Variants in ZBTB38 observed in about 807,000 individuals in gnomAD.
ZBTB38 encodes zinc finger and BTB domain containing 38, also known as zinc finger and BTB domain-containing protein 38.
In ZBTB38, 20 loss-of-function variants were observed where a neutral mutation model predicts 76.8. The observed-to-expected ratio is 0.26, with a 90% CI of 0.18 to 0.38. ZBTB38 has a LOEUF of 0.38. Ranked by LOEUF, ZBTB38 falls within the 10% of genes least tolerant of loss-of-function variation. The pLI is 1.00. For missense variants in ZBTB38, 1,082 were observed against 1,482.3 expected (o/e 0.73, Z 4.43); for synonymous variants, 504 against 544.2 (o/e 0.93, Z 1.03).
chr3:141,350,183 C>T (rs796080218), intron 1 of ZBTB38, among the ~76,000 whole-genome samples: 2 of 152,300 alleles, frequency 1.3e-5, no homozygotes, highest in South Asian at 2.1e-4. Context: ...ATTACGTTTA[C>T]ACATCGGGGA....
At chr3:141,433,321 G>GT (rs1388752539) in intron 5 of ZBTB38, among the ~76,000 whole-genome samples, 4 of 143,124 alleles carry the variant, frequency 2.8e-5, no homozygotes, top group Non-Finnish European at 6.0e-5. Flanking sequence ...TTTGACTTTT[G>GT]TTTTGTTTTT....
chr3:141,431,594 A>G (rs902649414), intron 5 of ZBTB38: 3 of 152,052 alleles, frequency 2.0e-5, no homozygotes, highest in East Asian at 1.9e-4. Context: ...TTTCCAAACA[A>G]GCAACCTAAA....
chr3:141,409,089 A>G (rs1436674489), intron 5 of ZBTB38, among the ~76,000 whole-genome samples: 1 of 152,136 alleles, frequency 6.6e-6, no homozygotes, highest in Non-Finnish European at 1.5e-5. Context: ...CTTGTTGCCC[A>G]GGCTGGAGTG....
chr3:141,331,233 C>T (rs147090389), intron 1 of ZBTB38, among the ~76,000 whole-genome samples: 1 of 152,276 alleles, frequency 6.6e-6, no homozygotes, highest in Non-Finnish European at 1.5e-5. Context: ...CACAGGTGAA[C>T]GTGTACCTTA....
chr3:141,344,561 G>A (rs1444515986), intron 1 of ZBTB38, among the ~76,000 whole-genome samples: 4 of 152,074 alleles, frequency 2.6e-5, no homozygotes, highest in African/African-American at 7.2e-5. Flanking sequence ...TTTTGTAGAT[G>A]TGGGGTCTCA....
Position 141,443,692 on chromosome 3 carries a change from G to A in ZBTB38, c.1304G>A (p.Gly435Asp). Reference sequence around the variant, plus strand: ...CCTTTATTATCTGAAAATAGGATTGGTGAATTTTCCAGTACCGGAAGTACT... The same window carrying A: ...CCTTTATTATCTGAAAATAGGATTGATGAATTTTCCAGTACCGGAAGTACT... ...PEPLLSENRIGEFSSTGSTLP... is the reference protein window; with the variant it reads ...PEPLLSENRIDEFSSTGSTLP... Residue 435 changes from glycine (G) to aspartate (D), a missense_variant, in exon 6 of 6, where the codon GGT (glycine) becomes GAT (aspartate). By Grantham distance (94) the Gly-to-Asp change is moderately conservative. Around this residue, in one of 8 missense-constraint regions of ZBTB38, gnomAD observed 324 missense variants for 359.1 expected, o/e 0.90. Coordinates refer to ENST00000321464, the MANE Select transcript of ZBTB38 (RefSeq NM_001376113.1). This position sits in a 1 kb window ranked among gnomAD's most constrained non-coding sequence, Gnocchi z 5.6. The A allele has an allele frequency of 6.2e-7, 1 of 1,614,110 alleles. No individual in the cohort carries two copies. Among genetic ancestry groups the A allele is most frequent in the Non-Finnish European group, 8.5e-7 (1 of 1,180,052 alleles).
chr3:141,424,465 A>T (rs992743373), intron 5 of ZBTB38, among the ~76,000 whole-genome samples: 1 of 152,206 alleles, frequency 6.6e-6, no homozygotes, highest in Non-Finnish European at 1.5e-5. Context: ...GGCCACAGTG[A>T]GCAATGATCA....
At chr3:141,434,222 C>T in intron 5 of ZBTB38, 15 of 985,102 alleles carry the variant, frequency 1.5e-5, no homozygotes, top group Non-Finnish European at 1.8e-5. Flanking sequence ...TCAACTGAGA[C>T]AAGAACAAAT....
In ZBTB38 at chr3:141,432,264, C is replaced by T. The variant is rs2077784813; in HGVS notation, c.1-10125C>T. 5.1e-6 allele frequency: 5 copies of T among 985,218 alleles called. No homozygotes were observed. In the African/African-American group the frequency reaches 5.2e-5, roughly 10 times the overall value. 61.0% of individuals were successfully genotyped at this position (985,218 alleles called of 1,614,324 possible). ...TCCAGGTCAGTATCCTAATACAGTGCGTTCTTTTTTTAGTTAGGTTTTATT... is the reference window on the plus strand; with the variant it reads ...TCCAGGTCAGTATCCTAATACAGTGTGTTCTTTTTTTAGTTAGGTTTTATT... On this transcript the variant is annotated intron_variant, in intron 5 of 5. Transcript: ENST00000321464.
chr3:141,439,211 T>C, intron 5 of ZBTB38, among the ~76,000 whole-genome samples: 1 of 152,212 alleles, frequency 6.6e-6, no homozygotes, highest in Non-Finnish European at 1.5e-5. Context: ...CTCCTGTTCA[T>C]ATCTCCAGTA....
intron 2 of ZBTB38, among the ~76,000 whole-genome samples, chr3:141,374,333 G>A (rs1167079188): frequency 6.6e-6 from 1 of 152,126 alleles, no homozygotes; most frequent in Non-Finnish European, 1.5e-5. Flanking sequence ...TTATTCACAG[G>A]GACATTTAAC....
intron 5 of ZBTB38, among the ~76,000 whole-genome samples, chr3:141,432,611 T>A (rs2077868594): frequency 6.6e-6 from 1 of 152,224 alleles, no homozygotes; most frequent in Non-Finnish European, 1.5e-5. Context: ...ATCTGCATAA[T>A]AGGTGCATTA....
At chr3:141,325,515 A>C (rs1942646494) in intron 1 of ZBTB38, among the ~76,000 whole-genome samples, 1 of 152,218 alleles carries the variant, frequency 6.6e-6, no homozygotes. Context: ...TTTCTTCAGC[A>C]ACCCGGGTAG....
At chr3:141,346,782 T>TTTTTTGTG (rs150173767) in intron 1 of ZBTB38, among the ~76,000 whole-genome samples, 3 of 144,682 alleles carry the variant, frequency 2.1e-5, no homozygotes, top group Non-Finnish European at 3.0e-5. Context: ...TTGTTTTGTT[T>TTTTTTGTG]TGTGTGTGTG....
chr3:141,415,030 C>CA (rs2149981048), intron 5 of ZBTB38, among the ~76,000 whole-genome samples: 1 of 152,124 alleles, frequency 6.6e-6, no homozygotes, highest in African/African-American at 2.4e-5. Flanking sequence ...AAAAGGTGCT[C>CA]AGTCAATGTT....
At chr3:141,331,363 G>GGA (rs1212513364) in intron 1 of ZBTB38, among the ~76,000 whole-genome samples, 3 of 152,198 alleles carry the variant, frequency 2.0e-5, no homozygotes, top group African/African-American at 7.2e-5. Context: ...TGATTATGTA[G>GGA]GAGAGAGAGA....
At chr3:141,412,113 T>C (rs576500598) in intron 5 of ZBTB38, among the ~76,000 whole-genome samples, 2 of 152,354 alleles carry the variant, frequency 1.3e-5, no homozygotes, top group African/African-American at 4.8e-5. Context: ...GACCTATATT[T>C]TTTTTCTCCC....
At chr3:141,368,995 C>CAAAA (rs887674425) in intron 1 of ZBTB38, among the ~76,000 whole-genome samples, 191 bp downstream of exon 1, 21 of 84,540 alleles carry the variant, frequency 2.5e-4, no homozygotes, top group African/African-American at 8.9e-4. Flanking sequence ...GAAAAGAATG[C>CAAAA]AAAAAAAAAA....
chr3:141,408,501 C>G (rs538717746), intron 5 of ZBTB38, among the ~76,000 whole-genome samples: 1 of 151,920 alleles, frequency 6.6e-6, no homozygotes, highest in African/African-American at 2.4e-5. Flanking sequence ...GAGCTGAGAT[C>G]GCACCACTGC....
Sources: gnomAD v4.1 joint callset for allele counts (sites outside exome capture counted in the v4.1 genomes callset) on GRCh38, gnomAD v4.1.1 for gene constraint, gnomAD v4.1.1 regional missense constraint, Gnocchi (gnomAD v3.1) non-coding constraint, MANE v1.5 for transcripts, NCBI Gene and HGNC (gene_info 2026-07-23, HGNC 2026-07-21) for gene names.